The following SLC2A13 variants were observed in gnomAD, a reference collection of about 807,000 sequenced individuals.
The protein encoded by SLC2A13 is solute carrier family 2 member 13, also known as proton myo-inositol cotransporter.
SLC2A13 carries 32 observed loss-of-function variants against 64.4 expected under a neutral mutation model. That is an observed-to-expected ratio of 0.50 (90% CI 0.37 to 0.67). The LOEUF is 0.67. Among genes scored for constraint, SLC2A13 ranks in the 30% least tolerant of loss-of-function variants. The pLI is 0.00. For synonymous variants in SLC2A13, 338 were observed against 327.1 expected (o/e 1.03, Z -0.36); for missense variants, 743 against 829.2 (o/e 0.90, Z 1.28).
At chr12:39,913,017 T>C (rs956962629) in intron 4 of SLC2A13, among the ~76,000 whole-genome samples, 1 of 152,056 alleles carries the variant, frequency 6.6e-6, no homozygotes. Flanking sequence ...GAAAGATATC[T>C]TGAAAGATGT....
intron 3 of SLC2A13, among the ~76,000 whole-genome samples, chr12:40,012,711 G>A (rs1030227686): frequency 6.6e-6 from 1 of 152,096 alleles, no homozygotes; most frequent in East Asian, 1.9e-4. Flanking sequence ...AGCAATAACT[G>A]TCACAGATAA....
chr12:40,003,274 A>G (rs1017011007), intron 3 of SLC2A13, among the ~76,000 whole-genome samples: 1 of 152,254 alleles, frequency 6.6e-6, no homozygotes, highest in Non-Finnish European at 1.5e-5. Flanking sequence ...CAAAAAGAAT[A>G]GTATATGAAT....
chr12:39,846,373 A>G (rs1943315061), intron 6 of SLC2A13, among the ~76,000 whole-genome samples: 1 of 152,180 alleles, frequency 6.6e-6, no homozygotes, highest in African/African-American at 2.4e-5. Context: ...TTAAGGGCTG[A>G]ATTCTAGAGA....
At chr12:39,876,900 A>G (rs1433627445) in intron 4 of SLC2A13, among the ~76,000 whole-genome samples, 1 of 152,204 alleles carries the variant, frequency 6.6e-6, no homozygotes, top group Admixed American at 6.5e-5. Flanking sequence ...ATATAGGACA[A>G]GTTACATGAG....
chr12:40,055,618 A>G (rs1228724103), intron 1 of SLC2A13, among the ~76,000 whole-genome samples: 2 of 152,238 alleles, frequency 1.3e-5, no homozygotes, highest in Non-Finnish European at 2.9e-5. Flanking sequence ...GAATGCATAC[A>G]CAAAACTATA....
At chr12:39,832,184 G>A (rs1942871472) in intron 6 of SLC2A13, among the ~76,000 whole-genome samples, 1 of 152,106 alleles carries the variant, frequency 6.6e-6, no homozygotes, top group Admixed American at 6.6e-5. Context: ...GACAACTGAA[G>A]GCTTTAGAAG....
chr12:39,857,136 C>T (rs1459412950), intron 6 of SLC2A13, among the ~76,000 whole-genome samples: 2 of 152,136 alleles, frequency 1.3e-5, no homozygotes, highest in Non-Finnish European at 2.9e-5. Context: ...ATGTTTTTCC[C>T]CCTTTATCTT....
chr12:40,063,649 T>C (rs1948462098), intron 1 of SLC2A13, among the ~76,000 whole-genome samples: 2 of 152,114 alleles, frequency 1.3e-5, no homozygotes, highest in African/African-American at 2.4e-5. Flanking sequence ...ACAATAGCCA[T>C]GCACGTTCAT....
At chr12:39,948,974 T>C (rs1946184842) in intron 4 of SLC2A13, among the ~76,000 whole-genome samples, 1 of 152,092 alleles carries the variant, frequency 6.6e-6, no homozygotes, top group African/African-American at 2.4e-5. Context: ...TCCTTAATCT[T>C]GAGAATAATG....
rs572899618 is a variant in SLC2A13, at chr12:39,890,772, CTA to C, written c.1035-18813_1035-18812del. On this transcript the variant is annotated intron_variant, in intron 4 of 9. Transcript: ENST00000280871. ...GAAAACCAATACATATACTGAGACC[CTA>C]TGTTATGGGACTGATTAAACAAATT... Among the ~76,000 whole-genome samples the C allele has an allele frequency of 1.2e-4, 19 of 152,176 alleles. No homozygotes were observed. In the South Asian group the frequency reaches 3.3e-3, roughly 27 times the overall value.
At chr12:39,905,070 A>C (rs2136026616) in intron 4 of SLC2A13, among the ~76,000 whole-genome samples, 1 of 152,306 alleles carries the variant, frequency 6.6e-6, no homozygotes, top group East Asian at 1.9e-4. Flanking sequence ...AGAATGCACA[A>C]ATATGCCCAC....
chr12:39,902,389 T>C (rs7971924), intron 4 of SLC2A13, among the ~76,000 whole-genome samples: 67,917 of 151,686 alleles, frequency 0.45, 15,537 homozygotes, highest in East Asian at 0.76. Flanking sequence ...GATATGTACA[T>C]ACACATGAAG....
chr12:39,799,185 T>G (rs2135781480), intron 7 of SLC2A13, among the ~76,000 whole-genome samples: 1 of 150,840 alleles, frequency 6.6e-6, no homozygotes, highest in East Asian at 2.0e-4. Context: ...CAGGTTCAAG[T>G]GATTCTCCTA....
At chr12:39,978,224 C>T (rs554910115) in intron 3 of SLC2A13, among the ~76,000 whole-genome samples, 4 of 152,326 alleles carry the variant, frequency 2.6e-5, no homozygotes, top group Admixed American at 6.5e-5. Context: ...AAAATACAGT[C>T]CATCTCCCCC....
chr12:40,049,615 G>A (rs1592039574), intron 1 of SLC2A13, among the ~76,000 whole-genome samples: 1 of 151,996 alleles, frequency 6.6e-6, no homozygotes, highest in Non-Finnish European at 1.5e-5. Flanking sequence ...TCCATCCAAT[G>A]TTTTGGACTT....
intron 6 of SLC2A13, among the ~76,000 whole-genome samples, chr12:39,841,759 T>C (rs1432351718): frequency 1.3e-5 from 2 of 152,042 alleles, no homozygotes; most frequent in African/African-American, 2.4e-5. Context: ...TAACTAATCT[T>C]CTCTGGTGAC....
intron 3 of SLC2A13, among the ~76,000 whole-genome samples, chr12:39,990,502 T>C (rs1341866384): frequency 1.3e-5 from 2 of 152,174 alleles, no homozygotes; most frequent in Non-Finnish European, 2.9e-5. Context: ...CACTTGGATT[T>C]CTGGCTGTAC....
rs10634186 is a variant in SLC2A13 at position 39,968,749 on chromosome 12, GT to G, written c.926-17385del. Among the ~76,000 whole-genome samples, 9 of 107,922 alleles carry G rather than the reference GT, an allele frequency of 8.3e-5. 1 individual carries two copies. Among genetic ancestry groups the G allele is most frequent in the African/African-American group, 2.7e-4 (7 of 25,994 alleles). The allele number at this position is 107,922 out of a possible 152,430, so 70.8% of individuals were successfully genotyped here. A position where few individuals can be genotyped will look rare whatever the true frequency, so the allele number is the denominator to read the frequency against. On this transcript the variant is annotated intron_variant, in intron 3 of 9. Transcript: ENST00000280871. The stretch of plus-strand genomic sequence containing the variant: ...CTGCCCTTTCTTTTTTATTTTTGTT[GT>G]TTTTTTTTGGTATATATATATATAT...
At chr12:40,074,510 TTC>T (rs1158115483) in intron 1 of SLC2A13, among the ~76,000 whole-genome samples, 2 of 152,130 alleles carry the variant, frequency 1.3e-5, no homozygotes, top group Non-Finnish European at 2.9e-5. Context: ...TCTCTAGCAT[TTC>T]TTTTACAGAT....
Sources: gnomAD v4.1 joint callset for allele counts (sites outside exome capture counted in the v4.1 genomes callset) on GRCh38, gnomAD v4.1.1 for gene constraint, MANE v1.5 for transcripts, NCBI Gene and HGNC (gene_info 2026-07-23, HGNC 2026-07-21) for gene names.